The following ITGA9 variants were observed in gnomAD, a reference collection of about 807,000 sequenced individuals.
ITGA9 encodes the protein integrin alpha-9.
ITGA9 carries 56 observed loss-of-function variants against 127.8 expected under a neutral mutation model. The ratio of observed to expected loss-of-function variants is 0.44; its 90% CI spans 0.35 to 0.55. The LOEUF is 0.55. Ranked by LOEUF, ITGA9 falls within the 20% of genes least tolerant of loss-of-function variation. ITGA9 has a pLI of 0.00. For synonymous variants in ITGA9, 508 were observed against 514.5 expected (o/e 0.99, Z 0.17); for missense variants, 1,196 against 1,347.1 (o/e 0.89, Z 1.76).
At chr3:37,658,575 G>A (rs1044934719) in intron 17 of ITGA9, among the ~76,000 whole-genome samples, 8 of 152,078 alleles carry the variant, frequency 5.3e-5, no homozygotes, top group African/African-American at 1.9e-4. Flanking sequence ...GAGCCTATAC[G>A]TGTCTTTGCA....
At chr3:37,469,830 C>CTGTTGCCCAGACTGGAGTGCAGTGGCA (rs1698409299) in intron 1 of ITGA9, among the ~76,000 whole-genome samples, 1 of 152,184 alleles carries the variant, frequency 6.6e-6, no homozygotes, top group Non-Finnish European at 1.5e-5. Context: ...GAGTCTCACT[C>CTGTTGCCCAGACTGGAGTGCAGTGGCA]TGTTGCCCAG....
At chr3:37,663,795 G>C (rs1700560096) in intron 17 of ITGA9, among the ~76,000 whole-genome samples, 1 of 152,178 alleles carries the variant, frequency 6.6e-6, no homozygotes, top group Non-Finnish European at 1.5e-5. Flanking sequence ...CTTACCAGCT[G>C]CATAACCTTG....
At chr3:37,709,767 G>A (rs1189055031) in intron 18 of ITGA9, among the ~76,000 whole-genome samples, 1 of 152,222 alleles carries the variant, frequency 6.6e-6, no homozygotes, top group African/African-American at 2.4e-5. Flanking sequence ...TTATGTGGAA[G>A]GAAACAGCAC....
intron 18 of ITGA9, among the ~76,000 whole-genome samples, chr3:37,693,255 A>G (rs1700850267): frequency 6.6e-6 from 1 of 152,144 alleles, no homozygotes. Context: ...TATTTCCTCC[A>G]TGGGAGGGTA....
rs567716199 is a variant in ITGA9, at chr3:37,502,780, A to C, written c.613-398A>C. Among the ~76,000 whole-genome samples, 6 of 152,246 alleles carry C rather than the reference A, an allele frequency of 3.9e-5. No homozygotes were observed. The East Asian group carries it at 1.2e-3, about 29-fold the overall frequency. ...GAGTTGAATGGTGAGCCTGGAGTCC[A>C]GGCAGGGTGCGGTATTGCTTACTGC... On this transcript the variant is annotated intron_variant, in intron 5 of 27. Coordinates refer to ENST00000264741, the MANE Select transcript of ITGA9 (RefSeq NM_002207.3).
At chr3:37,477,133 G>A (rs1226026630) in intron 3 of ITGA9, among the ~76,000 whole-genome samples, 1 of 152,156 alleles carries the variant, frequency 6.6e-6, no homozygotes, top group African/African-American at 2.4e-5. Flanking sequence ...CTACCTGTCA[G>A]AGCTTTCTGG....
At chr3:37,782,401 G>A (rs946537716) in intron 25 of ITGA9, among the ~76,000 whole-genome samples, 4 of 152,206 alleles carry the variant, frequency 2.6e-5, no homozygotes, top group Non-Finnish European at 5.9e-5. Context: ...GTGACCCTTT[G>A]CCAAGGAACA....
intron 27 of ITGA9, among the ~76,000 whole-genome samples, chr3:37,812,880 G>A (rs1457753187): frequency 2.6e-5 from 4 of 152,272 alleles, no homozygotes; most frequent in African/African-American, 9.6e-5. Context: ...GGGCTGCTGG[G>A]CATCCAGCTT....
chr3:37,737,086 G>T (rs1696372405), intron 20 of ITGA9, 103 bp downstream of exon 20: 2 of 812,684 alleles, frequency 2.5e-6, no homozygotes, highest in East Asian at 2.5e-5. Context: ...ATGCTGAGGA[G>T]GAAGAAATGG....
intron 15 of ITGA9, among the ~76,000 whole-genome samples, chr3:37,589,218 C>T (rs141140111): frequency 6.6e-6 from 1 of 152,360 alleles, no homozygotes; most frequent in African/African-American, 2.4e-5. Context: ...ATTGTAGCCA[C>T]TGTGACTGGA....
At chr3:37,683,810 A>G in intron 17 of ITGA9, 55 bp from the exon 18 acceptor site, 5 of 1,585,814 alleles carry the variant, frequency 3.2e-6, no homozygotes, top group Non-Finnish European at 4.3e-6. Context: ...CCTGTGCCTC[A>G]TGTTATATTA....
At chr3:37,670,111 CTT>C (rs752633855) in intron 17 of ITGA9, among the ~76,000 whole-genome samples, 6 of 144,632 alleles carry the variant, frequency 4.1e-5, no homozygotes, top group African/African-American at 1.3e-4. Flanking sequence ...AATGTTAAAA[CTT>C]TTTTTTTTTT....
intron 15 of ITGA9, among the ~76,000 whole-genome samples, chr3:37,562,284 A>G (rs1163613739): frequency 2.0e-5 from 3 of 152,066 alleles, no homozygotes; most frequent in African/African-American, 4.8e-5. Context: ...CGGAGCACCT[A>G]CAGATATCTG....
At position 37,683,929 on chromosome 3, in the gene ITGA9, A is replaced by G. The variant is rs369811212; in HGVS notation, c.1981A>G (p.Ile661Val). The G allele has an allele frequency of 1.7e-5, 28 of 1,613,958 alleles. No individual in the cohort carries two copies. The African/African-American group carries it at 2.4e-4, about 14-fold the overall frequency. The change falls in exon 18 of 28, where the codon ATC becomes GTC. Residue 661 changes from isoleucine to valine, a missense_variant. Ile to Val is a conservative substitution (Grantham distance 29). Transcript: ENST00000264741. ...GAAGAACATCTCCCTAAACATCTCT[A>G]TCTCCAACCTCGGAGATGATGCCTA... ...AVKNISLNIS[I>V]SNLGDDAYDA...
Position 37,503,060 on chromosome 3 carries a change from GA to G in ITGA9, c.613-110del, listed in dbSNP as rs1026503082. On this transcript the variant is annotated intron_variant, in intron 5 of 27. Transcript: ENST00000264741. ...AATCTGTTTTTGTTGCTTAGCTGGG[GA>G]AAAAAAAGTTCTTGGTGTGAGGAAT... is the stretch of plus-strand genomic sequence containing the variant. 9.1e-4 allele frequency: 1,044 copies of G among 1,152,308 alleles called. 6 individuals carry two copies. Among genetic ancestry groups the G allele is most frequent in the South Asian group, 1.5e-3 (107 of 70,672 alleles). The allele number at this position is 1,152,308 out of a possible 1,614,324, so 71.4% of individuals were successfully genotyped here. A position where few individuals can be genotyped will look rare whatever the true frequency, so the allele number is the denominator to read the frequency against.
chr3:37,652,648 T>C (rs1700440915), intron 16 of ITGA9, among the ~76,000 whole-genome samples: 1 of 152,212 alleles, frequency 6.6e-6, no homozygotes, highest in Non-Finnish European at 1.5e-5. Flanking sequence ...GGACTTATTC[T>C]CTGGGCAGGG....
intron 15 of ITGA9, among the ~76,000 whole-genome samples, chr3:37,578,308 T>G (rs1020111220): frequency 1.3e-5 from 2 of 152,184 alleles, no homozygotes; most frequent in Admixed American, 6.5e-5. Flanking sequence ...TTCATAAGGA[T>G]TTATGTGCCT....
intron 18 of ITGA9, among the ~76,000 whole-genome samples, chr3:37,714,440 C>T (rs1468818500): frequency 6.6e-6 from 1 of 152,152 alleles, no homozygotes; most frequent in Non-Finnish European, 1.5e-5. Flanking sequence ...GGTGAGGAGT[C>T]CACAGGTCAG....
At position 37,526,057 on chromosome 3, in the gene ITGA9, C is replaced by T. The variant is rs745529517; in HGVS notation, c.1359C>T (p.Ser453=). Reference sequence around the variant, plus strand: ...CTGTTGGAGCCTTCATGTCCGACAGCGTGGTTCTTCTCAGGTGAGAGGCCC... The same window carrying T: ...CTGTTGGAGCCTTCATGTCCGACAGTGTGGTTCTTCTCAGGTGAGAGGCCC... ...DVTVGAFMSD[S]VVLLRARPVI... is the part of the protein sequence containing the mutation. The change falls in exon 13 of 28, where the codon AGC becomes AGT. Residue 453 remains serine, a synonymous_variant. Transcript: ENST00000264741. The T allele has an allele frequency of 5.0e-6, 8 of 1,613,874 alleles. No individual in the cohort carries two copies. The highest frequency in any genetic ancestry group is 2.2e-5 in the East Asian group (1 of 44,896).
Sources: gnomAD v4.1 joint callset for allele counts (sites outside exome capture counted in the v4.1 genomes callset) on GRCh38, gnomAD v4.1.1 for gene constraint, MANE v1.5 for transcripts, NCBI Gene and HGNC (gene_info 2026-07-23, HGNC 2026-07-21) for gene names.